Variants in ABHD17B observed in about 807,000 individuals in gnomAD.
The protein encoded by ABHD17B is abhydrolase domain containing 17B, depalmitoylase.
A neutral mutation model predicts 26.2 loss-of-function variants in ABHD17B; 9 were observed. That is an observed-to-expected ratio of 0.34 (90% CI 0.21 to 0.60). ABHD17B has a LOEUF of 0.60. Among genes scored for constraint, ABHD17B ranks in the 20% least tolerant of loss-of-function variants. ABHD17B has a pLI of 0.80. For missense variants in ABHD17B, 224 were observed against 352.1 expected (o/e 0.64, Z 2.91); for synonymous variants, 127 against 122.3 (o/e 1.04, Z -0.25).
At chr9:71,893,892 A>T (rs1362563638) in intron 1 of ABHD17B, among the ~76,000 whole-genome samples, 1 of 152,156 alleles carries the variant, frequency 6.6e-6, no homozygotes. Context: ...GATGGAGATC[A>T]TCCTGGCTAA....
rs1052323561 is a variant in ABHD17B at position 71,910,885 on chromosome 9, A to C, written c.-255T>G. ...CGCCTCGCGCCGGCCCTGCTCCTCCACAAGAGCTCGCGTTCTGCTGACTAA... is the reference window on the plus strand; with the variant it reads ...CGCCTCGCGCCGGCCCTGCTCCTCCCCAAGAGCTCGCGTTCTGCTGACTAA... On this transcript the variant is annotated 5_prime_UTR_variant, in exon 1 of 4. Coordinates refer to ENST00000333421, the MANE Select transcript of ABHD17B (RefSeq NM_001025780.3). The C allele has an allele frequency of 6.6e-6, 1 of 151,884 alleles. No individual in the cohort carries two copies. The highest frequency in any genetic ancestry group is 2.4e-5 in the African/African-American group (1 of 41,368). The allele number at this position is 151,884 out of a possible 1,614,324, so 9.4% of individuals were successfully genotyped here. A position where few individuals can be genotyped will look rare whatever the true frequency, so the allele number is the denominator to read the frequency against.
At chr9:71,899,829 T>C (rs955855626) in intron 1 of ABHD17B, among the ~76,000 whole-genome samples, 1 of 149,338 alleles carries the variant, frequency 6.7e-6, no homozygotes, top group African/African-American at 2.5e-5. Context: ...TGCAGCTAAA[T>C]ATGGCTCTCT....
intron 1 of ABHD17B, among the ~76,000 whole-genome samples, chr9:71,888,907 G>A (rs527301717): frequency 4.6e-5 from 7 of 151,966 alleles, no homozygotes; most frequent in South Asian, 2.1e-4. Context: ...AAACGTAAAC[G>A]GTGATAATAC....
intron 1 of ABHD17B, among the ~76,000 whole-genome samples, chr9:71,906,856 T>G (rs942227002): frequency 2.0e-5 from 3 of 151,454 alleles, no homozygotes; most frequent in Non-Finnish European, 4.4e-5. Flanking sequence ...TAGGTTAAAG[T>G]CTGATGCTCT....
intron 1 of ABHD17B, among the ~76,000 whole-genome samples, chr9:71,892,093 G>A (rs753507830): frequency 6.6e-6 from 1 of 152,098 alleles, no homozygotes; most frequent in Non-Finnish European, 1.5e-5. Flanking sequence ...AGCATAAACT[G>A]ATAATAAGGT....
intron 1 of ABHD17B, among the ~76,000 whole-genome samples, chr9:71,894,098 A>T (rs1826883005): frequency 6.8e-6 from 1 of 146,730 alleles, no homozygotes. Flanking sequence ...AAAAAAAAAA[A>T]AAAAAAAAAA....
intron 2 of ABHD17B, among the ~76,000 whole-genome samples, chr9:71,874,160 A>G (rs1826191876): frequency 6.6e-6 from 1 of 150,998 alleles, no homozygotes; most frequent in African/African-American, 2.4e-5. Flanking sequence ...AAAACCAAAC[A>G]TTTGTCACTG....
intron 1 of ABHD17B, among the ~76,000 whole-genome samples, chr9:71,883,906 C>T (rs1042058037): frequency 2.0e-5 from 3 of 151,616 alleles, no homozygotes; most frequent in African/African-American, 7.3e-5. Flanking sequence ...CATTGCACTA[C>T]AGCTTGGGTG....
chr9:71,907,526 T>TAGAAAA (rs1827321158), intron 1 of ABHD17B, among the ~76,000 whole-genome samples: 1 of 152,198 alleles, frequency 6.6e-6, no homozygotes, highest in African/African-American at 2.4e-5. Flanking sequence ...TTTTTGTTTT[T>TAGAAAA]CTGAGACAGA....
At chr9:71,895,403 C>T (rs144134527) in intron 1 of ABHD17B, among the ~76,000 whole-genome samples, 154 of 152,330 alleles carry the variant, frequency 1.0e-3, no homozygotes, top group African/African-American at 3.6e-3. Context: ...CCAGTACTTA[C>T]TTGCCTAAAG....
At chr9:71,898,554 G>A (rs536692258) in intron 1 of ABHD17B, among the ~76,000 whole-genome samples, 14 of 152,066 alleles carry the variant, frequency 9.2e-5, no homozygotes, top group Admixed American at 3.3e-4. Flanking sequence ...CAGGAGAATC[G>A]CTTGAACCCA....
At chr9:71,889,827 C>A (rs903257584) in intron 1 of ABHD17B, among the ~76,000 whole-genome samples, 1 of 152,052 alleles carries the variant, frequency 6.6e-6, no homozygotes, top group African/African-American at 2.4e-5. Flanking sequence ...TAGTCTCTTC[C>A]CTAATCCCAA....
intron 1 of ABHD17B, among the ~76,000 whole-genome samples, chr9:71,878,516 A>T (rs1826346127): frequency 6.6e-6 from 1 of 152,262 alleles, no homozygotes; most frequent in Non-Finnish European, 1.5e-5. Context: ...GAACAAGATC[A>T]GATGAACATA....
Position 71,866,098 on chromosome 9 carries a change from T to A in ABHD17B, c.*689A>T, listed in dbSNP as rs185604239. The A allele has an allele frequency of 1.7e-4, 163 of 985,478 alleles. 1 individual carries two copies. Among genetic ancestry groups the A allele is most frequent in the Admixed American group, 3.1e-4 (5 of 16,284 alleles). 61.0% of individuals were successfully genotyped at this position (985,478 alleles called of 1,614,324 possible). ...AAGTACTTGCCTCACAGTACCAAAC[T>A]TAGAAGTCAAAACTAGTTAAAATTC... On this transcript the variant is annotated 3_prime_UTR_variant, in exon 4 of 4. Coordinates refer to ENST00000333421, the MANE Select transcript of ABHD17B (RefSeq NM_001025780.3).
chr9:71,864,806 T>C (rs1377491790), downstream of ABHD17B, among the ~76,000 whole-genome samples: 1 of 152,176 alleles, frequency 6.6e-6, no homozygotes, highest in South Asian at 2.1e-4. Context: ...AGCTATACCA[T>C]GAAATCTATG....
intron 1 of ABHD17B, among the ~76,000 whole-genome samples, chr9:71,880,652 G>A (rs756664446): frequency 2.0e-5 from 3 of 151,978 alleles, no homozygotes; most frequent in Non-Finnish European, 4.4e-5. Context: ...TTCAATGTTA[G>A]CTAGCATTAA....
chr9:71,872,256 A>C (rs1241022667), intron 2 of ABHD17B, among the ~76,000 whole-genome samples: 1 of 152,198 alleles, frequency 6.6e-6, no homozygotes, highest in Non-Finnish European at 1.5e-5. Context: ...GAAAGAAAAC[A>C]CAGGTCTAAA....
At chr9:71,874,552 T>C in intron 2 of ABHD17B, 62 bp downstream of exon 2, 1 of 1,375,734 alleles carries the variant, frequency 7.3e-7, no homozygotes, top group Admixed American at 2.4e-5. Flanking sequence ...ATTCTATTCT[T>C]ACACAAGATA....
chr9:71,896,431 G>A (rs1826957044), intron 1 of ABHD17B, among the ~76,000 whole-genome samples: 1 of 152,064 alleles, frequency 6.6e-6, no homozygotes, highest in Admixed American at 6.5e-5. Context: ...CTATCCAGTG[G>A]GGGTTCAAGA....
Sources: allele counts gnomAD v4.1 joint callset (sites outside exome capture counted in the v4.1 genomes callset), GRCh38; gene constraint gnomAD v4.1.1; transcripts MANE v1.5; gene names NCBI Gene and HGNC (gene_info 2026-07-23, HGNC 2026-07-21).